Variants in PIAS4 observed in about 807,000 individuals in gnomAD.
PIAS4 encodes the protein protein inhibitor of activated STAT 4, also known as E3 SUMO-protein ligase PIAS4.
PIAS4 carries 7 observed loss-of-function variants against 58.0 expected under a neutral mutation model. The ratio of observed to expected loss-of-function variants is 0.12; its 90% CI spans 0.07 to 0.23. The LOEUF (loss-of-function observed/expected upper bound fraction) is 0.23, where lower values mean the gene tolerates loss of function less well. Ranked by LOEUF, PIAS4 falls within the 10% of genes least tolerant of loss-of-function variation. PIAS4 has a pLI of 1.00. For synonymous variants in PIAS4, 364 were observed against 312.4 expected (o/e 1.17, Z -1.74); for missense variants, 550 against 709.5 (o/e 0.78, Z 2.55).
At chr19:4,029,082 T>C (rs2040197765) in intron 7 of PIAS4, 46 bp downstream of exon 7, 2 of 1,392,230 alleles carry the variant, frequency 1.4e-6, no homozygotes, top group Non-Finnish European at 1.0e-6. Context: ...AAGTCCACCC[T>C]GGAAACCCGC....
intron 2 of PIAS4, 29 bp from the exon 3 acceptor site, chr19:4,024,007 C>T (rs755109160): frequency 1.3e-6 from 2 of 1,519,004 alleles, no homozygotes; most frequent in South Asian, 1.1e-5. Flanking sequence ...AGGGACCAGA[C>T]ATGCCCCTGA....
chr19:4,025,594 C>T (rs1374265242), intron 3 of PIAS4, among the ~76,000 whole-genome samples: 2 of 152,172 alleles, frequency 1.3e-5, no homozygotes, highest in African/African-American at 4.8e-5. Flanking sequence ...GGCCCTCACA[C>T]CTAGTAAGGG....
chr19:4,027,210 A>T (rs1004964430), intron 3 of PIAS4, among the ~76,000 whole-genome samples: 1 of 151,238 alleles, frequency 6.6e-6, no homozygotes, highest in South Asian at 2.1e-4. Flanking sequence ...CTTGTCTCGA[A>T]CTCCTGACCT....
At chr19:4,015,715 G>A (rs1350406546) in intron 2 of PIAS4, among the ~76,000 whole-genome samples, 2 of 152,138 alleles carry the variant, frequency 1.3e-5, no homozygotes, top group African/African-American at 4.8e-5. Flanking sequence ...CCCGGGGGCC[G>A]CCTCCGGAGG....
chr19:4,039,245 TCTCA>T lies in PIAS4; in HGVS notation c.*1373_*1376del, dbSNP rs1460338288. 1.5e-5 allele frequency: 2 copies of T among 134,442 alleles called. No individual in the cohort carries two copies. The highest frequency in any genetic ancestry group is 7.4e-5 in the African/African-American group (2 of 27,020). The allele number at this position is 134,442 out of a possible 1,614,324, so 8.3% of individuals were successfully genotyped here. A position where few individuals can be genotyped will look rare whatever the true frequency, so the allele number is the denominator to read the frequency against. ...GTGCATCTGGCCGAGGGCAGTTCAGTCTCACTGCAGAGCCCGCAGCCCGCTGCGC... is the reference window on the plus strand; with the variant it reads ...GTGCATCTGGCCGAGGGCAGTTCAGTCTGCAGAGCCCGCAGCCCGCTGCGC... On this transcript the variant is annotated 3_prime_UTR_variant, in exon 11 of 11. Coordinates refer to ENST00000262971, the MANE Select transcript of PIAS4 (RefSeq NM_015897.4).
At chr19:4,019,262 G>A (rs970298123) in intron 2 of PIAS4, among the ~76,000 whole-genome samples, 1 of 152,154 alleles carries the variant, frequency 6.6e-6, no homozygotes, top group East Asian at 1.9e-4. Flanking sequence ...TGTTTGGGGG[G>A]AACCGTCAGC....
intron 4 of PIAS4, 58 bp downstream of exon 4, chr19:4,028,245 C>T (rs1190719120): frequency 1.8e-5 from 27 of 1,468,770 alleles, no homozygotes; most frequent in East Asian, 1.8e-4. Flanking sequence ...CGCCCCTCCC[C>T]GCCCCCCAGT....
At chr19:4,034,919 G>A (rs575288256) in intron 9 of PIAS4, among the ~76,000 whole-genome samples, 8 of 152,302 alleles carry the variant, frequency 5.3e-5, no homozygotes, top group Admixed American at 2.0e-4. Flanking sequence ...AAAGAGCCCC[G>A]TCCCAGACCC....
At chr19:4,033,968 G>A (rs540802414) in intron 9 of PIAS4, among the ~76,000 whole-genome samples, 2 of 152,150 alleles carry the variant, frequency 1.3e-5, no homozygotes, top group East Asian at 3.9e-4. Context: ...TCACAGAAAG[G>A]CAAAGGAGGT....
At chr19:4,020,445 G>A (rs935575022) in intron 2 of PIAS4, among the ~76,000 whole-genome samples, 2 of 150,934 alleles carry the variant, frequency 1.3e-5, no homozygotes, top group Admixed American at 6.6e-5. Context: ...CTGTCATCTC[G>A]TTGTCTCGTC....
At chr19:4,015,562 C>T (rs1779189463) in intron 2 of PIAS4, among the ~76,000 whole-genome samples, 1 of 152,202 alleles carries the variant, frequency 6.6e-6, no homozygotes, top group African/African-American at 2.4e-5. Context: ...CTGGGGGCCA[C>T]CTCGGTCCTC....
chr19:4,037,516 AC>A lies in PIAS4; in HGVS notation c.1273+16del, dbSNP rs748037912. 5.0e-6 allele frequency: 8 copies of A among 1,608,640 alleles called. No individual in the cohort carries two copies. In the Admixed American group the frequency reaches 5.0e-5, roughly 10 times the overall value. ...CATCCTCGTGCTGGGTGAGTGCCTC[AC>A]CCCACCAGCCGCGCAGTCCGCAGCC... On this transcript the variant is annotated intron_variant, in intron 10 of 10. Coordinates refer to ENST00000262971, the MANE Select transcript of PIAS4 (RefSeq NM_015897.4). The surrounding 1 kb of genome is among the most constrained non-coding windows in gnomAD (Gnocchi z 5.8).
At chr19:4,027,646 G>A (rs888184697) in intron 3 of PIAS4, among the ~76,000 whole-genome samples, 2 of 145,028 alleles carry the variant, frequency 1.4e-5, no homozygotes, top group African/African-American at 2.6e-5. Flanking sequence ...TGCAGCCTGT[G>A]CCTCCATGGG....
intron 4 of PIAS4, 22 bp from the exon 5 acceptor site, chr19:4,028,488 A>G: frequency 6.3e-7 from 1 of 1,583,628 alleles, no homozygotes; most frequent in Non-Finnish European, 8.6e-7. Flanking sequence ...TCCCCGCCCC[A>G]TGGTCCCTGT....
intron 9 of PIAS4, among the ~76,000 whole-genome samples, chr19:4,034,574 T>C (rs1391366630): frequency 6.6e-6 from 1 of 152,192 alleles, no homozygotes; most frequent in Non-Finnish European, 1.5e-5. Flanking sequence ...GCATCCCAGC[T>C]TCGGGTAGAG....
chr19:4,029,481 G>A (rs2040201700), intron 7 of PIAS4, among the ~76,000 whole-genome samples: 1 of 152,212 alleles, frequency 6.6e-6, no homozygotes. Flanking sequence ...GGCAGTTGCT[G>A]TGGGAGGAAG....
chr19:4,037,158 C>T lies in PIAS4; in HGVS notation c.1143-216C>T, dbSNP rs976606949. 6.6e-6 allele frequency among the ~76,000 whole-genome samples: 1 copy of T among 152,230 alleles called. No homozygotes were observed. Among genetic ancestry groups the T allele is most frequent in the Non-Finnish European group, 1.5e-5 (1 of 68,036 alleles). On this transcript the variant is annotated intron_variant, in intron 9 of 10. Coordinates refer to ENST00000262971, the MANE Select transcript of PIAS4 (RefSeq NM_015897.4). The surrounding 1 kb of genome is among the most constrained non-coding windows in gnomAD (Gnocchi z 5.8). ...CCATGCCCCGTCCCCCCGGCAGTGCCGTGCACTGCAGACCTGCCTGGGGCT... is the reference window on the plus strand; with the variant it reads ...CCATGCCCCGTCCCCCCGGCAGTGCTGTGCACTGCAGACCTGCCTGGGGCT...
intron 1 of PIAS4, among the ~76,000 whole-genome samples, chr19:4,008,044 C>T (rs2039960010): frequency 6.6e-6 from 1 of 151,750 alleles, no homozygotes; most frequent in Non-Finnish European, 1.5e-5. Context: ...GTCCCCCCAC[C>T]CAGCCCGAGC....
rs1326580189 is a variant in PIAS4 at position 4,024,082 on chromosome 19, A to G, written c.501A>G (p.Ala167=). Reference sequence around the variant, plus strand: ...TTCAGGAGAGCCCGTGCATCTTCGCATTGACGCCAAGACAGGTGGAGTTGA... The same window carrying G: ...TTCAGGAGAGCCCGTGCATCTTCGCGTTGACGCCAAGACAGGTGGAGTTGA... ...EKLQESPCIF[A]LTPRQVELIR... The change falls in exon 3 of 11, where the codon GCA becomes GCG. Residue 167 remains alanine (A), a synonymous_variant. Coordinates refer to ENST00000262971, the MANE Select transcript of PIAS4 (RefSeq NM_015897.4). 1 of 1,614,016 alleles carries G rather than the reference A, an allele frequency of 6.2e-7. No homozygotes were observed. Among genetic ancestry groups the G allele is most frequent in the Non-Finnish European group, 8.5e-7 (1 of 1,179,924 alleles).
Sources: allele counts gnomAD v4.1 joint callset (sites outside exome capture counted in the v4.1 genomes callset), GRCh38; gene constraint gnomAD v4.1.1; non-coding constraint Gnocchi (gnomAD v3.1); transcripts MANE v1.5; gene names NCBI Gene and HGNC (gene_info 2026-07-23, HGNC 2026-07-21).